NAV2: variants seen among roughly 807,000 people sequenced by gnomAD.
The protein encoded by NAV2 is neuron navigator 2, also known as helicase, APC down-regulated 1.
Under a neutral mutation model 223.2 loss-of-function variants are expected in NAV2, and 54 were observed. The observed-to-expected ratio is 0.24, with a 90% CI of 0.19 to 0.30. NAV2 has a LOEUF of 0.30. Ranked by LOEUF, NAV2 falls within the 10% of genes least tolerant of loss-of-function variation. The probability of loss-of-function intolerance (pLI) is 1.00; values close to 1 mark genes in which losing one functional copy is unlikely to be tolerated. For synonymous variants in NAV2, 1,279 were observed against 1,239.3 expected (o/e 1.03, Z -0.67); for missense variants, 2,806 against 3,147.5 (o/e 0.89, Z 2.60).
At chr11:19,634,216 A>C (rs2047427381) in intron 1 of NAV2, among the ~76,000 whole-genome samples, 1 of 152,192 alleles carries the variant, frequency 6.6e-6, no homozygotes, top group African/African-American at 2.4e-5. Flanking sequence ...TGTCCTCAGC[A>C]CACACATGTG....
chr11:19,579,826 C>A (rs1409683377), intron 1 of NAV2, among the ~76,000 whole-genome samples: 2 of 152,092 alleles, frequency 1.3e-5, no homozygotes, highest in Non-Finnish European at 2.9e-5. Context: ...TCTCTAGGCC[C>A]CTCTTGGACA....
At chr11:19,591,521 T>C (rs995871550) in intron 1 of NAV2, among the ~76,000 whole-genome samples, 1 of 152,200 alleles carries the variant, frequency 6.6e-6, no homozygotes, top group East Asian at 1.9e-4. Flanking sequence ...CAAAGGGATC[T>C]GAATATGGGC....
intron 1 of NAV2, among the ~76,000 whole-genome samples, chr11:19,684,109 A>G (rs932021995): frequency 2.6e-5 from 4 of 152,198 alleles, no homozygotes; most frequent in Non-Finnish European, 5.9e-5. Flanking sequence ...TCTGAAAATT[A>G]GTTTCTTCAT....
At chr11:19,431,147 C>A (rs555448708) in intron 1 of NAV2, among the ~76,000 whole-genome samples, 2 of 152,318 alleles carry the variant, frequency 1.3e-5, no homozygotes, top group Admixed American at 1.3e-4. Context: ...TGCTGTCCCT[C>A]AGCCCTGGTC....
chr11:19,488,043 G>A (rs868794861), intron 1 of NAV2, among the ~76,000 whole-genome samples: 1 of 152,226 alleles, frequency 6.6e-6, no homozygotes, highest in African/African-American at 2.4e-5. Context: ...AAATTAGGAA[G>A]TACGTTCCCC....
At position 19,953,657 on chromosome 11, in the gene NAV2, T is replaced by C. The variant is rs79490609; in HGVS notation, c.2645+4577T>C. Among the ~76,000 whole-genome samples the C allele has an allele frequency of 4.9e-3, 744 of 152,358 alleles. 6 individuals carry two copies. Among genetic ancestry groups the C allele is most frequent in the African/African-American group, 0.017 (717 of 41,590 alleles). On this transcript the variant is annotated intron_variant, in intron 10 of 37. Coordinates refer to ENST00000349880, the MANE Select transcript of NAV2 (RefSeq NM_145117.5). The stretch of plus-strand genomic sequence containing the variant: ...TCACACCTACCCTTATATATAAGCG[T>C]TTCACTTTGCATGGGAAGTGTCTGA...
chr11:19,389,234 A>G (rs1849155588), intron 1 of NAV2, among the ~76,000 whole-genome samples: 1 of 152,226 alleles, frequency 6.6e-6, no homozygotes, highest in Admixed American at 6.5e-5. Flanking sequence ...CAGGTTGTCA[A>G]TTCACCAACA....
At chr11:19,676,603 C>T (rs990819352) in intron 1 of NAV2, among the ~76,000 whole-genome samples, 1 of 152,198 alleles carries the variant, frequency 6.6e-6, no homozygotes, top group African/African-American at 2.4e-5. Flanking sequence ...TGGGACACAG[C>T]CTTTGTTATT....
At chr11:20,036,313 C>T (rs1286983447) in intron 12 of NAV2, among the ~76,000 whole-genome samples, 2 of 152,226 alleles carry the variant, frequency 1.3e-5, no homozygotes, top group African/African-American at 4.8e-5. Context: ...AGTAGGGAGG[C>T]TTCACCACCC....
intron 11 of NAV2, among the ~76,000 whole-genome samples, chr11:20,006,651 G>A (rs1318917663): frequency 1.3e-5 from 2 of 151,896 alleles, no homozygotes; most frequent in African/African-American, 4.8e-5. Context: ...CTCCAGCCTG[G>A]GCGACAAGAG....
intron 1 of NAV2, among the ~76,000 whole-genome samples, chr11:19,457,229 A>G (rs1484630281): frequency 6.6e-6 from 1 of 152,226 alleles, no homozygotes; most frequent in Non-Finnish European, 1.5e-5. Flanking sequence ...GGAAGTAATG[A>G]TAAATACTGT....
intron 1 of NAV2, among the ~76,000 whole-genome samples, chr11:19,479,869 C>T (rs1268559688): frequency 6.6e-6 from 1 of 152,190 alleles, no homozygotes; most frequent in Admixed American, 6.5e-5. Context: ...CACTTCTCAG[C>T]CCCACCTCCA....
intron 1 of NAV2, among the ~76,000 whole-genome samples, chr11:19,481,624 A>C (rs1004681928): frequency 6.6e-6 from 1 of 152,242 alleles, no homozygotes; most frequent in Non-Finnish European, 1.5e-5. Flanking sequence ...GGTTGTTTGG[A>C]AGATTAAATG....
intron 1 of NAV2, among the ~76,000 whole-genome samples, chr11:19,473,983 C>T (rs928403678): frequency 9.2e-5 from 14 of 152,146 alleles, no homozygotes; most frequent in Middle Eastern, 3.2e-3. Context: ...TCATCAGGTC[C>T]GCTGGGGCCT....
At chr11:19,379,768 C>T (rs915208873) in intron 1 of NAV2, among the ~76,000 whole-genome samples, 6 of 152,166 alleles carry the variant, frequency 3.9e-5, no homozygotes, top group Admixed American at 6.5e-5. Flanking sequence ...GAGACTTCCT[C>T]GCATTCTCCT....
intron 1 of NAV2, among the ~76,000 whole-genome samples, chr11:19,656,508 T>C (rs1161719440): frequency 6.6e-6 from 1 of 152,214 alleles, no homozygotes; most frequent in Non-Finnish European, 1.5e-5. Flanking sequence ...CAGAGCCAGA[T>C]CATGCCCAGG....
chr11:19,752,486 C>G (rs891927878), intron 1 of NAV2, among the ~76,000 whole-genome samples: 26 of 152,144 alleles, frequency 1.7e-4, no homozygotes, highest in African/African-American at 6.0e-4. Flanking sequence ...TAATCACCTG[C>G]AATCCCACCC....
chr11:20,019,378 A>G (rs2054292026), intron 11 of NAV2, among the ~76,000 whole-genome samples: 1 of 152,212 alleles, frequency 6.6e-6, no homozygotes, highest in African/African-American at 2.4e-5. Flanking sequence ...TCTGAGATAC[A>G]GAAGACTTTG....
intron 1 of NAV2, among the ~76,000 whole-genome samples, chr11:19,541,696 A>T (rs1465528282): frequency 6.6e-6 from 1 of 152,174 alleles, no homozygotes; most frequent in African/African-American, 2.4e-5. Flanking sequence ...CTGATGTGGG[A>T]CATGCCACAT....
Sources: allele counts gnomAD v4.1 joint callset (sites outside exome capture counted in the v4.1 genomes callset), GRCh38; gene constraint gnomAD v4.1.1; transcripts MANE v1.5; gene names NCBI Gene and HGNC (gene_info 2026-07-23, HGNC 2026-07-21).